G6PD: variants seen among roughly 807,000 people sequenced by gnomAD.
G6PD encodes the protein glucose-6-phosphate 1-dehydrogenase.
A neutral mutation model predicts 38.2 loss-of-function variants in G6PD; 2 were observed. That is an observed-to-expected ratio of 0.05 (90% confidence interval 0.02 to 0.16). G6PD has a LOEUF of 0.16. Ranked by LOEUF, G6PD falls within the 10% of genes least tolerant of loss-of-function variation. G6PD has a pLI of 1.00. For missense variants in G6PD, 310 were observed against 471.6 expected, an observed-to-expected ratio of 0.66 and a Z score of 3.17; for synonymous variants, 188 against 196.0, an observed-to-expected ratio of 0.96 and a Z score of 0.34.
chrX:154,546,274 C>A (rs2070712445), intron 1 of G6PD, 111 bp from the exon 2 acceptor site: 1 of 1,004,511 alleles, frequency 1.0e-6, no homozygotes, highest in African/African-American at 1.8e-5. Flanking sequence ...CACCTGATTG[C>A]CCAAATCACT....
intron 2 of G6PD, 176 bp downstream of exon 2, chrX:154,545,860 T>C (rs2070693355): frequency 2.0e-6 from 1 of 494,183 alleles, no homozygotes; most frequent in East Asian, 3.7e-5. Flanking sequence ...AAAAAAAGTC[T>C]TGCAAGTGCA....
chrX:154,534,198 C>T, intron 6 of G6PD, 38 bp from the exon 7 acceptor site: 1 of 1,210,751 alleles, frequency 8.3e-7, no homozygotes. Flanking sequence ...TGACCTTGGG[C>T]CTCTGTGGTG....
rs782618375 is a variant in G6PD at position 154,535,221 on chromosome X, C to T, written c.432G>A (p.Pro144=). ...TCTTGGTGACGGCCTCGTAGACGGT[C>T]GGGGGCAAGGCCAGGTAGAAGAGGC... is the stretch of plus-strand genomic sequence containing the variant. The part of the protein sequence containing the change: ...ANRLFYLALP[P]TVYEAVTKNI... The change falls in exon 5 of 13, where the codon CCG becomes CCA. Residue 144 remains proline (P), a synonymous_variant. Transcript: ENST00000393562. The T allele has an allele frequency of 1.3e-5, 16 of 1,210,071 alleles. No individual in the cohort carries two copies. The highest frequency in any genetic ancestry group is 1.0e-4 in the African/African-American group (6 of 57,243).
At chrX:154,534,947 G>A (rs1557230497) in intron 5 of G6PD, 1 of 452,287 alleles carries the variant, frequency 2.2e-6, no homozygotes, top group East Asian at 3.7e-5. Flanking sequence ...TGCATTCGCA[G>A]AGCAAGGCTG....
chrX:154,542,584 G>A, intron 2 of G6PD: 1 of 873,709 alleles, frequency 1.1e-6, no homozygotes, highest in Non-Finnish European at 1.5e-6. Context: ...TGTGAGGTAA[G>A]CTGGCCAGGG....
rs368898047 is a variant in G6PD, at chrX:154,532,786, C to T, written c.1068G>A (p.Leu356=). 37 of 1,207,650 alleles carry T rather than the reference C, an allele frequency of 3.1e-5. No homozygotes were observed. Among genetic ancestry groups the T allele is most frequent in the Non-Finnish European group, 4.0e-5 (36 of 893,828 alleles). ...NERWDGVPFI[L]RCGKALNERK... is the part of the protein sequence containing the mutation. ...GCTCGTTCAGGGCCTTGCCGCAGCGCAGGATGAAGGGCACCCCTACGTGGC... is the reference window on the plus strand; with the variant it reads ...GCTCGTTCAGGGCCTTGCCGCAGCGTAGGATGAAGGGCACCCCTACGTGGC... The change falls in exon 10 of 13, where the codon CTG becomes CTA. Residue 356 remains leucine (L), a synonymous_variant. Transcript: ENST00000393562.
chrX:154,546,110 G>A lies in G6PD; in HGVS notation c.46C>T (p.Leu16=), dbSNP rs781843044. The change falls in exon 2 of 13, where the codon CTG becomes TTG. Residue 16 remains leucine, a synonymous_variant. Coordinates refer to ENST00000393562, the MANE Select transcript of G6PD (RefSeq NM_001360016.2). The stretch of plus-strand genomic sequence containing the variant: ...TCGCCCTGGAAAAGCTCTTCCCGCA[G>A]GATCCCGCACACCTGGGTCCGGCTC... ...ALSRTQVCGI[L]REELFQGDAF... 1 of 1,212,077 alleles carries A rather than the reference G, an allele frequency of 8.3e-7. No individual in the cohort carries two copies. Among genetic ancestry groups the A allele is most frequent in the Admixed American group, 2.2e-5 (1 of 46,099 alleles).
chrX:154,536,092 G>C, intron 3 of G6PD, 47 bp from the exon 4 acceptor site: 1 of 1,207,286 alleles, frequency 8.3e-7, no homozygotes, highest in Non-Finnish European at 1.1e-6. Context: ...GGCAGGACCA[G>C]GCCTGTCCCT....
At position 154,533,089 on chromosome X, in the gene G6PD, T is replaced by C; in HGVS notation, c.904A>G (p.Asn302Asp). The C allele has an allele frequency of 6.6e-6, 8 of 1,211,900 alleles. No homozygotes were observed. Among genetic ancestry groups the C allele is most frequent in the South Asian group, 1.8e-5 (1 of 57,022 alleles). ...LKCISEVQAN[N>D]VVLGQYVGNP... Reference sequence around the variant, plus strand: ...CCCACGTACTGGCCCAGGACCACATTGTTGGCCTGCACCTCTGAGATGCAT... The same window carrying C: ...CCCACGTACTGGCCCAGGACCACATCGTTGGCCTGCACCTCTGAGATGCAT... The change falls in exon 9 of 13, where the codon AAT (asparagine) becomes GAT (aspartate). Residue 302 changes from asparagine to aspartate, a missense_variant. By Grantham distance (23) the Asn-to-Asp change is conservative (BLOSUM62 1). Coordinates refer to ENST00000393562, the MANE Select transcript of G6PD (RefSeq NM_001360016.2).
intron 2 of G6PD, among the ~76,000 whole-genome samples, chrX:154,540,958 G>C (rs1278279004): frequency 9.0e-6 from 1 of 111,508 alleles, no homozygotes; most frequent in African/African-American, 3.3e-5. Context: ...CCTCGCCCTG[G>C]GGTAGGAGCT....
rs782623392 is a variant in G6PD, at chrX:154,532,690, G to A, written c.1164C>T (p.Asn388=). 1.7e-5 allele frequency: 21 copies of A among 1,211,000 alleles called. No individual in the cohort carries two copies. Among genetic ancestry groups the A allele is most frequent in the East Asian group, 3.0e-5 (1 of 33,811 alleles). The part of the protein sequence containing the change: ...GDIFHQQCKR[N]ELVIRVQPNE... ...TGGGCTGCACGCGGATCACCAGCTC[G>A]TTGCGCTTGCACTGCTGGTGGAAGA... Residue 388 remains asparagine, a synonymous_variant, in exon 10 of 13, where the codon AAC becomes AAT. Transcript: ENST00000393562.
chrX:154,533,899 G>GT lies in G6PD; in HGVS notation c.770+135dup. ...TAGGGGTCCAGCCCTTTCCAGCCCG[G>GT]TCTGATAGCTCAGACACTTAGGTTT... is the stretch of plus-strand genomic sequence containing the variant. On this transcript the variant is annotated intron_variant, in intron 7 of 12. Coordinates refer to ENST00000393562, the MANE Select transcript of G6PD (RefSeq NM_001360016.2). 5 of 1,201,461 alleles carry GT rather than the reference G, an allele frequency of 4.2e-6. No individual in the cohort carries two copies. The East Asian group carries it at 1.5e-4, about 36-fold the overall frequency.
intron 1 of G6PD, 61 bp downstream of exon 1, chrX:154,546,728 G>A: frequency 2.1e-6 from 2 of 937,382 alleles, no homozygotes; most frequent in Non-Finnish European, 2.9e-6. Context: ...TTTTACCGCC[G>A]CGCGGCGCAG....
intron 2 of G6PD, 37 bp from the exon 3 acceptor site, chrX:154,536,215 C>T (rs1456192609): frequency 8.4e-7 from 1 of 1,188,212 alleles, no homozygotes; most frequent in Non-Finnish European, 1.1e-6. Context: ...TTAGAAGTGG[C>T]TGGGGACACG....
chrX:154,542,441 T>C, intron 2 of G6PD: 2 of 1,185,480 alleles, frequency 1.7e-6, no homozygotes, highest in Non-Finnish European at 2.3e-6. Flanking sequence ...CAGAGCTTTC[T>C]GGAAGGGGGC....
At chrX:154,535,894 G>A (rs782468141) in intron 4 of G6PD, 43 bp downstream of exon 4, 2 of 1,097,763 alleles carry the variant, frequency 1.8e-6, no homozygotes, top group Middle Eastern at 2.6e-4. Flanking sequence ...GGGGCTGGTA[G>A]AGAGGGCAGA....
Position 154,531,909 on chromosome X carries a change from TGAG to T in G6PD, c.*88_*90del. On this transcript the variant is annotated 3_prime_UTR_variant, in exon 13 of 13. Transcript: ENST00000393562. ...GAGCCCGGGGCCAGGAATGTGCAGC[TGAG>T]GTCAATGGTCCCGGAGTCCTCCCGA... 1 of 1,142,270 alleles carries T rather than the reference TGAG, an allele frequency of 8.8e-7. No homozygotes were observed. The highest frequency in any genetic ancestry group is 1.9e-5 in the African/African-American group (1 of 52,652). The allele number at this position is 1,142,270 out of a possible 1,213,427, so 94.1% of individuals were successfully genotyped here.
Position 154,533,096 on chromosome X carries a change from C to A in G6PD, c.897G>T (p.Gln299His), listed in dbSNP as rs782380777. ...ACTGGCCCAGGACCACATTGTTGGC[C>A]TGCACCTCTGAGATGCATTTCAACA... ...VKVLKCISEV[Q>H]ANNVVLGQYV... is the part of the protein sequence containing the mutation. Residue 299 changes from glutamine to histidine, a missense_variant, in exon 9 of 13, where the codon CAG (glutamine) becomes CAT (histidine). By Grantham distance (24) the Gln-to-His change is conservative. Around this residue, in one of 4 missense-constraint regions of G6PD, gnomAD observed 168 missense variants for 309.2 expected, o/e 0.54. Transcript: ENST00000393562. 3 of 1,211,020 alleles carry A rather than the reference C, an allele frequency of 2.5e-6. No homozygotes were observed. The Admixed American group carries it at 6.5e-5, about 26-fold the overall frequency.
At chrX:154,546,290 T>C in intron 1 of G6PD, 127 bp from the exon 2 acceptor site, 1 of 935,760 alleles carries the variant, frequency 1.1e-6, no homozygotes, top group Non-Finnish European at 1.5e-6. Context: ...TCACTCCTTG[T>C]GAACGGCTGG....
Sources: gnomAD v4.1 joint callset for allele counts (sites outside exome capture counted in the v4.1 genomes callset) on GRCh38, gnomAD v4.1.1 for gene constraint, gnomAD v4.1.1 regional missense constraint, MANE v1.5 for transcripts, NCBI Gene and HGNC (gene_info 2026-07-23, HGNC 2026-07-21) for gene names.